Variants in EFCAB8 observed in about 807,000 individuals in gnomAD.
The protein encoded by EFCAB8 is EF-hand calcium-binding domain-containing protein 8.
In EFCAB8, 100 loss-of-function variants were observed where a neutral mutation model predicts 116.3. That is an observed-to-expected ratio of 0.86 (90% CI 0.73 to 1.02). The LOEUF (loss-of-function observed/expected upper bound fraction) is 1.02, where lower values mean the gene tolerates loss of function less well. EFCAB8 is among the 50% of genes least tolerant of loss of function. The pLI, the probability that EFCAB8 is intolerant of heterozygous loss-of-function variation, is 0.00. For synonymous variants in EFCAB8, 558 were observed against 567.9 expected (o/e 0.98, Z 0.25); for missense variants, 1,320 against 1,416.9 (o/e 0.93, Z 1.10).
At chr20:32,871,408 G>A (rs1004442260) in intron 3 of EFCAB8, among the ~76,000 whole-genome samples, 1 of 151,928 alleles carries the variant, frequency 6.6e-6, no homozygotes, top group Non-Finnish European at 1.5e-5. Flanking sequence ...AGAGTAGCTA[G>A]GACTACAGGT....
chr20:32,874,074 C>G (rs1984825359), intron 3 of EFCAB8, among the ~76,000 whole-genome samples: 1 of 152,056 alleles, frequency 6.6e-6, no homozygotes, highest in East Asian at 1.9e-4. Flanking sequence ...GCATGTGCCA[C>G]CATGCCTGGC....
At chr20:32,901,848 C>T (rs912948052) in intron 11 of EFCAB8, among the ~76,000 whole-genome samples, 11 of 152,122 alleles carry the variant, frequency 7.2e-5, no homozygotes, top group East Asian at 5.8e-4. Context: ...CCATCATGCC[C>T]GGCTAATATT....
intron 5 of EFCAB8, among the ~76,000 whole-genome samples, chr20:32,882,447 T>C: frequency 6.6e-6 from 1 of 152,232 alleles, no homozygotes; most frequent in Non-Finnish European, 1.5e-5. Context: ...GCTCATAGCC[T>C]GTGAGTATCT....
chr20:32,880,824 T>G (rs955447753), intron 5 of EFCAB8, among the ~76,000 whole-genome samples: 2 of 152,114 alleles, frequency 1.3e-5, no homozygotes, highest in Non-Finnish European at 2.9e-5. Context: ...GGAAGCTTCA[T>G]GACATCAGCA....
At position 32,943,756 on chromosome 20, in the gene EFCAB8, G is replaced by A. The variant is rs1228137996; in HGVS notation, c.2911G>A (p.Gly971Ser). Reference sequence around the variant, plus strand: ...CAACTTCCAGCTGGTTATCAGCGCTGGCCAGGACCGGGACGTCAAGGCTTG... The same window carrying A: ...CAACTTCCAGCTGGTTATCAGCGCTAGCCAGGACCGGGACGTCAAGGCTTG... ...VDNFQLVISA[G>S]QDRDVKAWKL... The change falls in exon 23 of 27, where the codon GGC (glycine) becomes AGC (serine). Residue 971 changes from glycine to serine, a missense_variant. Physicochemically the swap from Gly to Ser is moderately conservative, Grantham distance 56. Transcript: ENST00000400522. 1 of 416,786 alleles carries A rather than the reference G, an allele frequency of 2.4e-6. No individual in the cohort carries two copies. The highest frequency in any genetic ancestry group is 4.4e-6 in the Non-Finnish European group (1 of 226,420). The allele number at this position is 416,786 out of a possible 1,614,324, so 25.8% of individuals were successfully genotyped here. A position where few individuals can be genotyped will look rare whatever the true frequency, so the allele number is the denominator to read the frequency against.
chr20:32,947,193 A>G (rs1339582653), intron 23 of EFCAB8, among the ~76,000 whole-genome samples: 1 of 152,118 alleles, frequency 6.6e-6, no homozygotes, highest in Non-Finnish European at 1.5e-5. Context: ...ACTGTTTTGC[A>G]TTTCTACCTT....
intron 1 of EFCAB8, among the ~76,000 whole-genome samples, chr20:32,863,001 T>C (rs1351955963): frequency 7.9e-6 from 1 of 126,710 alleles, no homozygotes; most frequent in Non-Finnish European, 1.7e-5. Context: ...GATTCTACTT[T>C]TTGCTGCCAA....
chr20:32,930,445 G>A lies in EFCAB8; in HGVS notation c.2460G>A (p.Leu820=), dbSNP rs780596829. 7 of 1,551,784 alleles carry A rather than the reference G, an allele frequency of 4.5e-6. No homozygotes were observed. In the South Asian group the frequency reaches 5.9e-5, roughly 13 times the overall value. The change falls in exon 21 of 27, where the codon CTG becomes CTA. Residue 820 remains leucine (L), a synonymous_variant. Coordinates refer to ENST00000400522, the MANE Select transcript of EFCAB8 (RefSeq NM_001143967.2). ...CTCGCCTGCCGCACACGGCTGCCCT[G>A]CTGAGCAGCTGCATGGACGGCTACA... ...TRPRLPHTAA[L]LSSCMDGYIY... is the part of the protein sequence containing the mutation.
At chr20:32,869,880 A>C (rs1984603391) in intron 3 of EFCAB8, among the ~76,000 whole-genome samples, 1 of 152,232 alleles carries the variant, frequency 6.6e-6, no homozygotes, top group Non-Finnish European at 1.5e-5. Flanking sequence ...TTCACTGGCT[A>C]AGCTATTCCT....
rs1987318219 is a variant in EFCAB8, at chr20:32,918,723, C to T, written c.2274+149C>T. 5.2e-6 allele frequency: 4 copies of T among 769,426 alleles called. No individual in the cohort carries two copies. The Admixed American group carries it at 7.5e-5, about 14-fold the overall frequency. 47.7% of individuals were successfully genotyped at this position (769,426 alleles called of 1,614,324 possible). A position where few individuals can be genotyped will look rare whatever the true frequency, so the allele number is the denominator to read the frequency against. On this transcript the variant is annotated intron_variant, in intron 19 of 26. Coordinates refer to ENST00000400522, the MANE Select transcript of EFCAB8 (RefSeq NM_001143967.2). ...CTCACTTGTTTTGAGCATTGTGGGC[C>T]TGGGCAGGGCACCCTCTGGTTTTAG...
chr20:32,927,090 A>C (rs912784235), intron 20 of EFCAB8, among the ~76,000 whole-genome samples: 3 of 152,174 alleles, frequency 2.0e-5, no homozygotes, highest in Non-Finnish European at 2.9e-5. Flanking sequence ...AACTTTTGCA[A>C]GAAAAATGCA....
At chr20:32,867,427 A>G (rs1984479981) in intron 2 of EFCAB8, among the ~76,000 whole-genome samples, 155 bp from the exon 3 acceptor site, 1 of 152,236 alleles carries the variant, frequency 6.6e-6, no homozygotes, top group South Asian at 2.1e-4. Context: ...TCTTAGGTGT[A>G]AAAATGGTTA....
Position 32,932,597 on chromosome 20 carries a change from AGTT to A in EFCAB8, c.2790+1262_2790+1264del, listed in dbSNP as rs1395763031. ...TTACTTATGCAAACACGATGTGTAA[AGTT>A]ATTTTCTACTGAAGGTATCATTTCA... On this transcript the variant is annotated intron_variant, in intron 22 of 26. Transcript: ENST00000400522. 2.0e-5 allele frequency among the ~76,000 whole-genome samples: 3 copies of A among 152,242 alleles called. No individual in the cohort carries two copies. In the East Asian group the frequency reaches 5.8e-4, roughly 29 times the overall value.
At position 32,920,173 on chromosome 20, in the gene EFCAB8, G is replaced by A. The variant is rs1987381899; in HGVS notation, c.2370G>A (p.Trp790Ter). The change falls in exon 20 of 27, where the codon TGG becomes TGA. Residue 790 changes from tryptophan to a stop codon, truncating the protein, a stop_gained. Coordinates refer to ENST00000400522, the MANE Select transcript of EFCAB8 (RefSeq NM_001143967.2). LOFTEE classifies it high-confidence loss of function. Reference sequence around the variant, plus strand: ...AGGATGAAACGAGAAAAGGAGAATGGCAGAAGAATATGTTGGTTCAATCCA... The same window carrying A: ...AGGATGAAACGAGAAAAGGAGAATGACAGAAGAATATGTTGGTTCAATCCA... ...YKEDETRKGE[W>*]QKNMLVQSSA... 1 of 1,551,714 alleles carries A rather than the reference G, an allele frequency of 6.4e-7. No homozygotes were observed.
chr20:32,893,297 G>A lies in EFCAB8; in HGVS notation c.882G>A (p.Trp294Ter). 2 of 1,551,746 alleles carry A rather than the reference G, an allele frequency of 1.3e-6. No individual in the cohort carries two copies. The highest frequency in any genetic ancestry group is 2.4e-5 in the East Asian group (1 of 40,914). ...GTATCCTCCCCAGGGCCTCCAAGTGGGGTAGCTAAGATGCTGGGGAAGGGG... is the reference window on the plus strand; with the variant it reads ...GTATCCTCCCCAGGGCCTCCAAGTGAGGTAGCTAAGATGCTGGGGAAGGGG... ...NPRILPRASK[W>*]DHWIKVSLQK... Residue 294 changes from tryptophan (W) to a stop codon, truncating the protein, a stop_gained and splice_region_variant, in exon 9 of 27, where the codon TGG becomes TGA. Transcript: ENST00000400522. LOFTEE classifies it high-confidence loss of function.
At chr20:32,904,310 T>C (rs1986570993) in intron 11 of EFCAB8, among the ~76,000 whole-genome samples, 1 of 150,698 alleles carries the variant, frequency 6.6e-6, no homozygotes, top group Non-Finnish European at 1.5e-5. Flanking sequence ...AGTCTTTTTG[T>C]TTTTTTCGTG....
intron 20 of EFCAB8, among the ~76,000 whole-genome samples, chr20:32,926,613 A>C (rs1038871047): frequency 7.0e-6 from 1 of 143,778 alleles, no homozygotes; most frequent in East Asian, 2.1e-4. Context: ...GCACCCACTA[A>C]CTCGTCATTT....
At chr20:32,939,030 CTCCT>C (rs1249670476) in intron 22 of EFCAB8, among the ~76,000 whole-genome samples, 13 of 120,572 alleles carry the variant, frequency 1.1e-4, no homozygotes, top group African/African-American at 2.3e-4. Context: ...CCCTCCCTCC[CTCCT>C]TCCTTCCTTC....
chr20:32,913,499 C>G (rs144388952), intron 17 of EFCAB8, among the ~76,000 whole-genome samples: 278 of 152,236 alleles, frequency 1.8e-3, no homozygotes, highest in African/African-American at 6.4e-3. Context: ...TATGGCATTC[C>G]GTCCCTGACT....
Sources: gnomAD v4.1 joint callset for allele counts (sites outside exome capture counted in the v4.1 genomes callset) on GRCh38, gnomAD v4.1.1 for gene constraint, MANE v1.5 for transcripts, NCBI Gene and HGNC (gene_info 2026-07-23, HGNC 2026-07-21) for gene names.